Variants in TENM2 observed in about 807,000 individuals in gnomAD.
TENM2 encodes the protein teneurin transmembrane protein 2.
Under a neutral mutation model 245.2 loss-of-function variants are expected in TENM2, and 52 were observed. The ratio of observed to expected loss-of-function variants is 0.21; its 90% CI spans 0.17 to 0.27. The LOEUF is 0.27. TENM2 is among the 10% of genes least tolerant of loss of function. TENM2 has a pLI of 1.00. For missense variants in TENM2, 3,046 were observed against 3,666.8 expected (o/e 0.83, Z 4.37); for synonymous variants, 1,363 against 1,438.9 (o/e 0.95, Z 1.19).
the TENM2 span, among the ~76,000 whole-genome samples, chr5:167,007,922 C>G: frequency 6.6e-6 from 1 of 152,074 alleles, no homozygotes; most frequent in Non-Finnish European, 1.5e-5. The surrounding 1 kb of genome is among the most constrained non-coding windows in gnomAD (Gnocchi z 4.2). Flanking sequence ...AGGTGCAGGG[C>G]TCTATCTGGG....
At chr5:167,438,498 TCTC>T (rs202050504) in intron 2 of TENM2, among the ~76,000 whole-genome samples, 3,271 of 152,150 alleles carry the variant, frequency 0.021, 51 homozygotes, top group South Asian at 0.039. Context: ...TTCACGGTAT[TCTC>T]CTGCCTCAGC....
chr5:167,612,937 C>G (rs1157624838), intron 2 of TENM2, among the ~76,000 whole-genome samples: 1 of 152,014 alleles, frequency 6.6e-6, no homozygotes, highest in Non-Finnish European at 1.5e-5. Context: ...GCTTTAGGTA[C>G]AAAACTGCAC....
In TENM2 at chr5:167,342,320, T is replaced by G. The variant is rs540608224; in HGVS notation, c.227-32878T>G. Among the ~76,000 whole-genome samples, 6 of 152,124 alleles carry G rather than the reference T, an allele frequency of 3.9e-5. No individual in the cohort carries two copies. In the East Asian group the frequency reaches 1.2e-3, roughly 30 times the overall value. ...TATAGAATGTCCCACAGTTGAGATCTGTCTGATATTTTTCTCTTGATCAAA... is the reference window on the plus strand; with the variant it reads ...TATAGAATGTCCCACAGTTGAGATCGGTCTGATATTTTTCTCTTGATCAAA... On this transcript the variant is annotated intron_variant, in intron 1 of 28. Transcript: ENST00000518659.
At chr5:167,808,933 T>C (rs1766429746) in intron 2 of TENM2, among the ~76,000 whole-genome samples, 1 of 152,210 alleles carries the variant, frequency 6.6e-6, no homozygotes, top group African/African-American at 2.4e-5. Context: ...GATGTATCAT[T>C]GTTTTATGTA....
intron 2 of TENM2, among the ~76,000 whole-genome samples, chr5:167,787,074 T>A (rs1764627580): frequency 6.6e-6 from 1 of 152,160 alleles, no homozygotes; most frequent in Non-Finnish European, 1.5e-5. Context: ...GAGATGATTA[T>A]CCCCAGGGGG....
rs534470305 is a variant in TENM2, at chr5:168,190,794, G to A, written c.2780+247G>A. 1.4e-5 allele frequency: 5 copies of A among 370,276 alleles called. No homozygotes were observed. In the South Asian group the frequency reaches 3.2e-4, roughly 23 times the overall value. The allele number at this position is 370,276 out of a possible 1,614,324, so 22.9% of individuals were successfully genotyped here. On this transcript the variant is annotated intron_variant, in intron 14 of 28. Transcript: ENST00000518659. The stretch of plus-strand genomic sequence containing the variant: ...CCAGAACCTGCTGGAGACACCTGTT[G>A]ATTCCCTGGTTTTTAGATCATTTTT...
chr5:167,417,312 G>A lies in TENM2; in HGVS notation c.502+41839G>A, dbSNP rs1763220970. ...TCCTTCCCAGCACAGTCCATCCCTG[G>A]CCCCTGCCATCATTCTATACTGGAG... On this transcript the variant is annotated intron_variant, in intron 2 of 28. Transcript: ENST00000518659. Among the ~76,000 whole-genome samples the A allele has an allele frequency of 2.0e-5, 3 of 151,962 alleles. No individual in the cohort carries two copies. In the South Asian group the frequency reaches 6.2e-4, roughly 32 times the overall value.
intron 1 of TENM2, among the ~76,000 whole-genome samples, chr5:167,316,613 A>G (rs1278860864): frequency 6.6e-6 from 1 of 152,198 alleles, no homozygotes; most frequent in Non-Finnish European, 1.5e-5. Flanking sequence ...GTACAAATAT[A>G]TACACACACA....
At chr5:168,002,510 A>G (rs1784487312) in intron 5 of TENM2, among the ~76,000 whole-genome samples, 1 of 152,236 alleles carries the variant, frequency 6.6e-6, no homozygotes, top group Non-Finnish European at 1.5e-5. Flanking sequence ...ACAAGATGGC[A>G]TCTTTCAAGG....
chr5:167,101,835 TTATATATATATATTTATATATATATATA>T, the TENM2 span, among the ~76,000 whole-genome samples: 657 of 50,862 alleles, frequency 0.013, 18 homozygotes, highest in African/African-American at 0.043. Flanking sequence ...CTCTTGACAT[TTATATATATATATTTATATATATATATA>T]TATATATATA....
At chr5:167,325,900 T>C (rs1051065777) in intron 1 of TENM2, among the ~76,000 whole-genome samples, 1 of 152,120 alleles carries the variant, frequency 6.6e-6, no homozygotes, top group Non-Finnish European at 1.5e-5. Context: ...TTTCAGTTAA[T>C]GGTGAGTTGT....
At chr5:168,072,365 A>G (rs1791086813) in intron 7 of TENM2, among the ~76,000 whole-genome samples, 1 of 152,270 alleles carries the variant, frequency 6.6e-6, no homozygotes, top group Middle Eastern at 3.4e-3. Context: ...CTTCAGAGCA[A>G]TACCTTCTAC....
chr5:168,101,067 G>A (rs993420009), intron 9 of TENM2, among the ~76,000 whole-genome samples: 4 of 152,146 alleles, frequency 2.6e-5, no homozygotes, highest in Non-Finnish European at 4.4e-5. Flanking sequence ...AAAGTGAACT[G>A]TGGAGACTGG....
chr5:167,746,675 CAGAGAGAGAGAG>C (rs57973052), intron 2 of TENM2, among the ~76,000 whole-genome samples: 93 of 117,194 alleles, frequency 7.9e-4, no homozygotes, highest in Admixed American at 3.0e-3. Flanking sequence ...AAATTACCAA[CAGAGAGAGAGAG>C]AGAGAGAGAG....
At chr5:167,743,342 G>A (rs1206089266) in intron 2 of TENM2, among the ~76,000 whole-genome samples, 2 of 152,066 alleles carry the variant, frequency 1.3e-5, no homozygotes, top group Admixed American at 6.5e-5. Context: ...AGAAGGAGGG[G>A]CAATGTGAGC....
chr5:168,146,279 T>G (rs1756072057), intron 12 of TENM2, among the ~76,000 whole-genome samples: 1 of 151,932 alleles, frequency 6.6e-6, no homozygotes, highest in Non-Finnish European at 1.5e-5. Context: ...TCTTTGGCAT[T>G]AAGGGAGAGG....
intron 4 of TENM2, among the ~76,000 whole-genome samples, chr5:167,986,824 G>C (rs760753402): frequency 6.6e-6 from 1 of 152,150 alleles, no homozygotes; most frequent in Admixed American, 6.5e-5. Flanking sequence ...AGCCGGTTCA[G>C]GGAAAAATCA....
chr5:167,525,551 T>C (rs1240037374), intron 2 of TENM2, among the ~76,000 whole-genome samples: 1 of 152,142 alleles, frequency 6.6e-6, no homozygotes. Context: ...ATGCCAATAA[T>C]ATGGAAATTT....
chr5:168,084,812 C>CT (rs2152217585), intron 7 of TENM2, among the ~76,000 whole-genome samples: 1 of 152,302 alleles, frequency 6.6e-6, no homozygotes, highest in East Asian at 1.9e-4. Context: ...TCCAGGCACC[C>CT]TTTTTTCTCT....
Sources: gnomAD v4.1 joint callset for allele counts (sites outside exome capture counted in the v4.1 genomes callset) on GRCh38, gnomAD v4.1.1 for gene constraint, Gnocchi (gnomAD v3.1) non-coding constraint, MANE v1.5 for transcripts, NCBI Gene and HGNC (gene_info 2026-07-23, HGNC 2026-07-21) for gene names.